The following MMP2 variants were observed in gnomAD, a reference collection of about 807,000 sequenced individuals.
The protein encoded by MMP2 is matrix metallopeptidase 2.
A neutral mutation model predicts 74.8 loss-of-function variants in MMP2; 39 were observed. The observed-to-expected ratio is 0.52, with a 90% CI of 0.40 to 0.68. MMP2 has a LOEUF of 0.68. Among genes scored for constraint, MMP2 ranks in the 30% least tolerant of loss-of-function variants. MMP2 has a pLI of 0.00. For synonymous variants in MMP2, 367 were observed against 339.8 expected, an observed-to-expected ratio of 1.08 and a Z score of -0.88; for missense variants, 803 against 878.3, an observed-to-expected ratio of 0.91 and a Z score of 1.08.
At chr16:55,486,347 C>CTGTGAGTG in intron 5 of MMP2, among the ~76,000 whole-genome samples, 1 of 137,804 alleles carries the variant, frequency 7.3e-6, no homozygotes. Context: ...GTGTGTGTGC[C>CTGTGAGTG]TGTGTGTGTG....
chr16:55,488,462 C>A, intron 5 of MMP2, 81 bp from the exon 6 acceptor site: 1 of 1,383,284 alleles, frequency 7.2e-7, no homozygotes. Flanking sequence ...CTGGTGTGAA[C>A]CGGCAGGTGG....
intron 7 of MMP2, 97 bp from the exon 8 acceptor site, chr16:55,491,704 G>C (rs1456436330): frequency 7.3e-7 from 1 of 1,371,530 alleles, no homozygotes; most frequent in Non-Finnish European, 1.0e-6. Context: ...CTTACTGTGG[G>C]GCTGTCCTCA....
At chr16:55,502,695 A>G (rs1962695158) in intron 11 of MMP2, 84 bp from the exon 12 acceptor site, 2 of 1,239,914 alleles carry the variant, frequency 1.6e-6, no homozygotes, top group East Asian at 4.7e-5. Flanking sequence ...TCCAGGAGCC[A>G]TCAGCTGGGT....
chr16:55,493,068 T>G, intron 8 of MMP2, 90 bp from the exon 9 acceptor site: 2 of 1,525,046 alleles, frequency 1.3e-6, no homozygotes, highest in Non-Finnish European at 1.8e-6. Context: ...TTCTGACTCT[T>G]AGATGGTTGG....
intron 10 of MMP2, 125 bp downstream of exon 10, chr16:55,497,187 C>T: frequency 7.8e-7 from 1 of 1,275,006 alleles, no homozygotes; most frequent in South Asian, 1.2e-5. Context: ...TGCTCCCTTT[C>T]CTTTATGGAT....
At chr16:55,488,811 C>A in intron 6 of MMP2, 95 bp downstream of exon 6, 1 of 1,323,074 alleles carries the variant, frequency 7.6e-7, no homozygotes, top group Non-Finnish European at 1.0e-6. Flanking sequence ...CTCCTTTCCC[C>A]AAGACAGGGG....
intron 3 of MMP2, among the ~76,000 whole-genome samples, chr16:55,484,712 C>T (rs1331069299): frequency 6.6e-6 from 1 of 152,102 alleles, no homozygotes; most frequent in African/African-American, 2.4e-5. Flanking sequence ...GAACCTGGGG[C>T]CAGGTGGCCA....
Position 55,483,155 on chromosome 16 carries a change from G to C in MMP2, c.380+20G>C, listed in dbSNP as rs1466126896. Reference sequence around the variant, plus strand: ...ATACAGGTGCCGGGGCAGGGCTTGGGGAGGCAGGGCCATGGGGCTGAGGGA... The same window carrying C: ...ATACAGGTGCCGGGGCAGGGCTTGGCGAGGCAGGGCCATGGGGCTGAGGGA... On this transcript the variant is annotated intron_variant, in intron 2 of 12. Coordinates refer to ENST00000219070, the MANE Select transcript of MMP2 (RefSeq NM_004530.6). 2 of 1,602,718 alleles carry C rather than the reference G, an allele frequency of 1.2e-6. No homozygotes were observed. Among genetic ancestry groups the C allele is most frequent in the Non-Finnish European group, 1.7e-6 (2 of 1,170,672 alleles).
intron 5 of MMP2, chr16:55,488,339 G>A (rs1962308686): frequency 1.6e-6 from 1 of 607,000 alleles, no homozygotes; most frequent in South Asian, 1.9e-5. Flanking sequence ...AGGTCCCACG[G>A]GAGGGATTGG....
intron 10 of MMP2, among the ~76,000 whole-genome samples, chr16:55,497,679 G>A (rs1962563696): frequency 6.6e-6 from 1 of 152,194 alleles, no homozygotes; most frequent in Admixed American, 6.5e-5. Context: ...TCAAGGTGAG[G>A]TCTGTATGGC....
intron 11 of MMP2, among the ~76,000 whole-genome samples, chr16:55,502,021 C>T (rs1310911029): frequency 1.3e-5 from 2 of 152,214 alleles, no homozygotes; most frequent in African/African-American, 4.8e-5. Flanking sequence ...GAAGAACATA[C>T]TAACCGATGC....
intron 11 of MMP2, among the ~76,000 whole-genome samples, chr16:55,501,688 C>T (rs1482486149): frequency 6.6e-6 from 1 of 152,042 alleles, no homozygotes; most frequent in Non-Finnish European, 1.5e-5. Flanking sequence ...GAAGTCTCCT[C>T]TAGAAGGGAG....
intron 10 of MMP2, among the ~76,000 whole-genome samples, chr16:55,497,920 C>T (rs1962569988): frequency 6.6e-6 from 1 of 152,172 alleles, no homozygotes. Context: ...ACCTGGCTCC[C>T]ACCTCCCCCA....
At chr16:55,503,609 ATTAGGAG>A (rs1187831491) in intron 12 of MMP2, among the ~76,000 whole-genome samples, 1 of 152,068 alleles carries the variant, frequency 6.6e-6, no homozygotes, top group African/African-American at 2.4e-5. Context: ...CAGATGCTAG[ATTAGGAG>A]TTATCTTCAA....
At chr16:55,484,786 A>G (rs758196299) in intron 3 of MMP2, among the ~76,000 whole-genome samples, 12 of 152,172 alleles carry the variant, frequency 7.9e-5, no homozygotes, top group Non-Finnish European at 1.8e-4. Context: ...ATAGACACTG[A>G]GTGGTAAGTG....
chr16:55,502,069 T>A (rs1397675402), intron 11 of MMP2, among the ~76,000 whole-genome samples: 2 of 152,236 alleles, frequency 1.3e-5, no homozygotes, highest in South Asian at 2.1e-4. Context: ...GGGCCCAGGA[T>A]TGCTGCCGCC....
chr16:55,493,515 T>A (rs1249394376), intron 9 of MMP2, among the ~76,000 whole-genome samples: 1 of 152,216 alleles, frequency 6.6e-6, no homozygotes, highest in African/African-American at 2.4e-5. Flanking sequence ...ACTAGTTATC[T>A]TGACTTTCAG....
chr16:55,505,648 G>C lies in MMP2; in HGVS notation c.*206G>C. 1.7e-6 allele frequency: 1 copy of C among 605,872 alleles called. No homozygotes were observed. The highest frequency in any genetic ancestry group is 1.9e-5 in the South Asian group (1 of 52,198). 37.5% of individuals were successfully genotyped at this position (605,872 alleles called of 1,614,324 possible). A position where few individuals can be genotyped will look rare whatever the true frequency, so the allele number is the denominator to read the frequency against. ...ATAGATGCTGACTGTACTCCTCCCAGGCGCCCCTTCCCCCTCCAATCCCAC... is the reference window on the plus strand; with the variant it reads ...ATAGATGCTGACTGTACTCCTCCCACGCGCCCCTTCCCCCTCCAATCCCAC... On this transcript the variant is annotated 3_prime_UTR_variant, in exon 13 of 13. Coordinates refer to ENST00000219070, the MANE Select transcript of MMP2 (RefSeq NM_004530.6).
At chr16:55,503,575 G>A (rs1283067236) in intron 12 of MMP2, among the ~76,000 whole-genome samples, 1 of 151,578 alleles carries the variant, frequency 6.6e-6, no homozygotes, top group Non-Finnish European at 1.5e-5. Flanking sequence ...GGTCTTACAT[G>A]TCCAAGAAAA....
Sources: allele counts gnomAD v4.1 joint callset (sites outside exome capture counted in the v4.1 genomes callset), GRCh38; gene constraint gnomAD v4.1.1; transcripts MANE v1.5; gene names NCBI Gene and HGNC (gene_info 2026-07-23, HGNC 2026-07-21).